Variants in GPC5 observed in about 807,000 individuals in gnomAD.
GPC5 encodes the protein glypican 5.
Under a neutral mutation model 53.9 loss-of-function variants are expected in GPC5, and 47 were observed. That is an observed-to-expected ratio of 0.87 (90% CI 0.69 to 1.11). GPC5 has a LOEUF of 1.11. Ranked by LOEUF, GPC5 falls within the 50% of genes most tolerant of loss-of-function variation. The pLI is 0.00. For synonymous variants in GPC5, 286 were observed against 263.3 expected (o/e 1.09, Z -0.84); for missense variants, 748 against 713.1 (o/e 1.05, Z -0.56).
rs185934221 is a variant in GPC5 at position 92,800,538 on chromosome 13, G to A, written c.1562-65744G>A. On this transcript the variant is annotated intron_variant, in intron 7 of 7. Coordinates refer to ENST00000377067, the MANE Select transcript of GPC5 (RefSeq NM_004466.6). Reference sequence around the variant, plus strand: ...ATTCTGAGTGTTACTTTCCACTAACGAACCCTGTGAAAATTGGAATTACCA... The same window carrying A: ...ATTCTGAGTGTTACTTTCCACTAACAAACCCTGTGAAAATTGGAATTACCA... Among the ~76,000 whole-genome samples the A allele has an allele frequency of 1.4e-3, 215 of 151,910 alleles. 3 individuals are homozygous for A. The Middle Eastern group carries it at 0.024, about 17-fold the overall frequency.
intron 7 of GPC5, among the ~76,000 whole-genome samples, chr13:92,805,603 AATT>A (rs1156272889): frequency 6.6e-6 from 1 of 151,714 alleles, no homozygotes; most frequent in East Asian, 2.0e-4. Flanking sequence ...TGCCTGACTA[AATT>A]ATTATTTTTT....
intron 6 of GPC5, among the ~76,000 whole-genome samples, chr13:92,130,611 A>T (rs916972156): frequency 6.6e-6 from 1 of 152,110 alleles, no homozygotes; most frequent in African/African-American, 2.4e-5. Context: ...AATCTGAAAG[A>T]TGTTGTAAGA....
At chr13:91,978,408 G>T (rs2040326927) in intron 6 of GPC5, among the ~76,000 whole-genome samples, 1 of 152,194 alleles carries the variant, frequency 6.6e-6, no homozygotes, top group Non-Finnish European at 1.5e-5. Context: ...TGATGGCAGA[G>T]GTAGATAAAC....
chr13:92,724,803 C>T (rs1305501038), intron 7 of GPC5, among the ~76,000 whole-genome samples: 1 of 150,512 alleles, frequency 6.6e-6, no homozygotes, highest in African/African-American at 2.4e-5. Context: ...AAGATGGTGA[C>T]TATAATTAAC....
At chr13:92,562,961 A>G (rs1251507259) in intron 7 of GPC5, among the ~76,000 whole-genome samples, 2 of 152,032 alleles carry the variant, frequency 1.3e-5, no homozygotes, top group Non-Finnish European at 2.9e-5. Context: ...TCCAAAGCAC[A>G]AGACAGTTCA....
At chr13:91,449,072 A>G in intron 2 of GPC5, 150 bp downstream of exon 2, 2 of 856,074 alleles carry the variant, frequency 2.3e-6, no homozygotes, top group East Asian at 5.3e-5. Context: ...TCTAGCCTTC[A>G]AAACTTGTTT....
At chr13:91,489,768 C>G (rs1883831217) in intron 2 of GPC5, among the ~76,000 whole-genome samples, 1 of 152,070 alleles carries the variant, frequency 6.6e-6, no homozygotes, top group Admixed American at 6.6e-5. Flanking sequence ...TTAGCAAAAC[C>G]TAATTGCTCT....
chr13:91,824,845 C>A (rs185151333), intron 5 of GPC5, among the ~76,000 whole-genome samples: 8 of 152,160 alleles, frequency 5.3e-5, no homozygotes, highest in Admixed American at 2.6e-4. Context: ...ATTATAAAAT[C>A]TAATCTCTAT....
In GPC5 at chr13:91,940,711, G is replaced by A. The variant is rs141021781; in HGVS notation, c.1401+32654G>A. Among the ~76,000 whole-genome samples the A allele has an allele frequency of 4.7e-3, 707 of 151,898 alleles. 5 individuals carry two copies. The highest frequency in any genetic ancestry group is 0.014 in the Middle Eastern group (4 of 294). On this transcript the variant is annotated intron_variant, in intron 6 of 7. Transcript: ENST00000377067. ...TCTGACTGGAATGAAATGGTATCTC[G>A]CTGTGGTTTTGATTTGCATTTCTCT... is the stretch of plus-strand genomic sequence containing the variant.
intron 7 of GPC5, among the ~76,000 whole-genome samples, chr13:92,351,181 C>T (rs1022808684): frequency 1.3e-5 from 2 of 151,496 alleles, no homozygotes; most frequent in South Asian, 2.1e-4. Context: ...ACAAAATATA[C>T]GTTTTTCTAT....
At chr13:92,174,822 C>A (rs750193604) in intron 7 of GPC5, among the ~76,000 whole-genome samples, 23 of 152,264 alleles carry the variant, frequency 1.5e-4, no homozygotes, top group Non-Finnish European at 1.9e-4. Flanking sequence ...ATTAAAATAA[C>A]ACACTGTGAG....
At chr13:91,880,282 T>C (rs1480198925) in intron 5 of GPC5, among the ~76,000 whole-genome samples, 4 of 152,068 alleles carry the variant, frequency 2.6e-5, no homozygotes, top group Non-Finnish European at 5.9e-5. Flanking sequence ...ATTGCTGTAT[T>C]TTTATGTTTT....
chr13:91,712,074 CATT>C (rs1488790611), intron 3 of GPC5, among the ~76,000 whole-genome samples: 2 of 152,140 alleles, frequency 1.3e-5, no homozygotes, highest in African/African-American at 2.4e-5. Context: ...TAGGACTAAA[CATT>C]ATCTTGACCT....
In GPC5 at chr13:92,324,980, A is replaced by G. The variant is rs1280850132; in HGVS notation, c.1561+179991A>G. On this transcript the variant is annotated intron_variant, in intron 7 of 7. Transcript: ENST00000377067. ...AACTGAGAGCATGATTACATCATTT[A>G]ATTTGCATAAGGAAAAAGTGATTTT... 7.9e-5 allele frequency among the ~76,000 whole-genome samples: 12 copies of G among 152,022 alleles called. 1 individual carries two copies. The South Asian group carries it at 2.5e-3, about 32-fold the overall frequency.
intron 5 of GPC5, among the ~76,000 whole-genome samples, chr13:91,792,756 T>C (rs1055524963): frequency 1.3e-5 from 2 of 152,224 alleles, no homozygotes; most frequent in African/African-American, 4.8e-5. Flanking sequence ...TTTCTGCATT[T>C]CTTTGGCTTC....
At chr13:92,600,997 C>G (rs1206807163) in intron 7 of GPC5, among the ~76,000 whole-genome samples, 3 of 152,080 alleles carry the variant, frequency 2.0e-5, no homozygotes, top group Non-Finnish European at 4.4e-5. Flanking sequence ...TCCTTACCAC[C>G]CTTTCACCAT....
At chr13:91,568,794 G>A (rs1352158484) in intron 2 of GPC5, among the ~76,000 whole-genome samples, 1 of 143,724 alleles carries the variant, frequency 7.0e-6, no homozygotes, top group Non-Finnish European at 1.5e-5. Context: ...TCTCTCTGTC[G>A]CTGGAGTGCA....
intron 7 of GPC5, among the ~76,000 whole-genome samples, chr13:92,519,857 A>T (rs1258835960): frequency 3.3e-5 from 5 of 152,150 alleles, no homozygotes; most frequent in African/African-American, 1.2e-4. Flanking sequence ...TTTTGAAAAG[A>T]TCAACAAAAT....
intron 7 of GPC5, among the ~76,000 whole-genome samples, chr13:92,702,531 A>G (rs1471746458): frequency 6.6e-6 from 1 of 152,092 alleles, no homozygotes; most frequent in African/African-American, 2.4e-5. Flanking sequence ...CGTCAGAAGC[A>G]ATAGAAATCC....
Sources: gnomAD v4.1 joint callset for allele counts (sites outside exome capture counted in the v4.1 genomes callset) on GRCh38, gnomAD v4.1.1 for gene constraint, MANE v1.5 for transcripts, NCBI Gene and HGNC (gene_info 2026-07-23, HGNC 2026-07-21) for gene names.